Variants in AHCTF1 observed in about 807,000 individuals in gnomAD.
AHCTF1 encodes protein ELYS.
A neutral mutation model predicts 248.4 loss-of-function variants in AHCTF1; 24 were observed. The observed-to-expected ratio is 0.10, with a 90% CI of 0.07 to 0.14. The LOEUF is 0.14. AHCTF1 is among the 10% of genes least tolerant of loss of function. The pLI is 1.00. For synonymous variants in AHCTF1, 786 were observed against 929.8 expected, an observed-to-expected ratio of 0.85 and a Z score of 2.81; for missense variants, 2,206 against 2,636.2, an observed-to-expected ratio of 0.84 and a Z score of 3.57.
At chr1:246,909,059 T>TTCTATATCTATATATA (rs1665598305) in intron 4 of AHCTF1, among the ~76,000 whole-genome samples, 1 of 147,450 alleles carries the variant, frequency 6.8e-6, no homozygotes, top group Non-Finnish European at 1.5e-5. Flanking sequence ...AAACAGATAA[T>TTCTATATCTATATATA]TCTATATCTA....
intron 1 of AHCTF1, among the ~76,000 whole-genome samples, chr1:246,928,235 G>C (rs186693546): frequency 6.6e-6 from 1 of 150,694 alleles, no homozygotes; most frequent in East Asian, 2.0e-4. Flanking sequence ...CCCGGGAGGC[G>C]GACCTGGCAG....
chr1:246,849,633 C>A lies in AHCTF1; in HGVS notation c.6373G>T (p.Val2125Phe), dbSNP rs754014894. ...NEPLFSPASE[V>F]PRKAKAKKIE... ...AAAGTACCTTTTGCTTTCCTTGGAA[C>A]TTCTGACGCTGGAGAAAATAAAGGC... Residue 2125 changes from valine to phenylalanine, a missense_variant, in exon 33 of 36, where the codon GTT becomes TTT. Coordinates refer to ENST00000648844, the MANE Select transcript of AHCTF1 (RefSeq NM_001323342.2). 6.2e-7 allele frequency: 1 copy of A among 1,608,834 alleles called. No homozygotes were observed. The highest frequency in any genetic ancestry group is 2.2e-5 in the East Asian group (1 of 44,764).
intron 33 of AHCTF1, among the ~76,000 whole-genome samples, chr1:246,846,283 C>T (rs933187852): frequency 3.3e-5 from 5 of 151,692 alleles, no homozygotes; most frequent in African/African-American, 7.3e-5. Flanking sequence ...CTTCTCGGCA[C>T]CTGCATCCCT....
intron 21 of AHCTF1, among the ~76,000 whole-genome samples, chr1:246,884,920 A>T (rs1490329187): frequency 1.3e-5 from 2 of 152,148 alleles, no homozygotes; most frequent in African/African-American, 2.4e-5. Context: ...CTGAATACAA[A>T]TTCTCAATTT....
intron 1 of AHCTF1, among the ~76,000 whole-genome samples, chr1:246,918,782 C>A (rs1666323096): frequency 6.6e-6 from 1 of 152,240 alleles, no homozygotes. Context: ...TAAGGATATA[C>A]ATTATTCCCT....
chr1:246,844,024 A>G, intron 33 of AHCTF1, 96 bp from the exon 34 acceptor site: 1 of 901,712 alleles, frequency 1.1e-6, no homozygotes, highest in Admixed American at 4.0e-5. Flanking sequence ...TGTTTTAGAA[A>G]GATGCAAACG....
chr1:246,864,973 T>G (rs1023607548), intron 26 of AHCTF1, among the ~76,000 whole-genome samples: 2 of 151,616 alleles, frequency 1.3e-5, no homozygotes, highest in African/African-American at 4.8e-5. Context: ...AGTACAACTT[T>G]AAGATTCTAC....
chr1:246,852,945 C>A (rs1169710048), intron 32 of AHCTF1, 146 bp downstream of exon 32: 4 of 625,118 alleles, frequency 6.4e-6, no homozygotes, highest in Non-Finnish European at 1.1e-5. Context: ...GATTTATACA[C>A]TTATTTTTTG....
At chr1:246,872,409 A>AC (rs1662662719) in intron 24 of AHCTF1, among the ~76,000 whole-genome samples, 1 of 152,188 alleles carries the variant, frequency 6.6e-6, no homozygotes, top group Non-Finnish European at 1.5e-5. Flanking sequence ...TAAAAGGGAT[A>AC]CACCCTTGTC....
chr1:246,906,459 G>A (rs1665400262), intron 5 of AHCTF1, among the ~76,000 whole-genome samples: 1 of 152,180 alleles, frequency 6.6e-6, no homozygotes, highest in Admixed American at 6.5e-5. Context: ...GTGCACACAT[G>A]TAATCCCAGC....
chr1:246,863,890 TTTGA>T (rs1276237062), intron 27 of AHCTF1, 30 bp downstream of exon 27: 4 of 1,598,336 alleles, frequency 2.5e-6, no homozygotes, highest in East Asian at 2.2e-5. Context: ...AGCCATCTAG[TTTGA>T]TTGTGAACGC....
At chr1:246,894,564 C>T (rs543716351) in intron 14 of AHCTF1, 95 bp downstream of exon 14, 2 of 1,053,420 alleles carry the variant, frequency 1.9e-6, no homozygotes, top group Admixed American at 2.5e-5. Context: ...GAGTTTACAA[C>T]TTCAAAATGA....
intron 33 of AHCTF1, among the ~76,000 whole-genome samples, chr1:246,844,447 G>A (rs190806283): frequency 6.6e-5 from 10 of 152,358 alleles, no homozygotes; most frequent in Admixed American, 6.5e-4. Context: ...AGTGCCAGGT[G>A]CAGTGGCTCA....
chr1:246,922,380 G>A (rs1022966496), intron 1 of AHCTF1, among the ~76,000 whole-genome samples: 2 of 151,750 alleles, frequency 1.3e-5, no homozygotes, highest in Admixed American at 6.6e-5. Context: ...GAAAAGACAC[G>A]TGCAAGAAGG....
chr1:246,902,198 A>G (rs1665051335), intron 8 of AHCTF1, among the ~76,000 whole-genome samples: 1 of 152,232 alleles, frequency 6.6e-6, no homozygotes, highest in African/African-American at 2.4e-5. Flanking sequence ...AAGACAACCA[A>G]GGCATGTATG....
chr1:246,925,620 T>C (rs932152296), intron 1 of AHCTF1, among the ~76,000 whole-genome samples: 1 of 152,030 alleles, frequency 6.6e-6, no homozygotes, highest in African/African-American at 2.4e-5. Flanking sequence ...TCTAAAAATA[T>C]AAAAAATAAA....
At position 246,867,529 on chromosome 1, in the gene AHCTF1, C is replaced by T; in HGVS notation, c.3239+132G>A. On this transcript the variant is annotated intron_variant, in intron 25 of 35. Transcript: ENST00000648844. ...TAAAAATTCTTCTCAGAAACATAGC[C>T]AACATAAAGAGTTTTTCTTTTTTAC... 4.1e-6 allele frequency: 5 copies of T among 1,220,048 alleles called. No homozygotes were observed. In the South Asian group the frequency reaches 7.3e-5, roughly 18 times the overall value. The allele number at this position is 1,220,048 out of a possible 1,614,324, so 75.6% of individuals were successfully genotyped here.
chr1:246,907,119 A>G (rs571326097), intron 5 of AHCTF1, among the ~76,000 whole-genome samples: 2 of 152,340 alleles, frequency 1.3e-5, no homozygotes, highest in East Asian at 3.9e-4. Context: ...CTCTTAGTCT[A>G]CTAACCTGTA....
At position 246,892,301 on chromosome 1, in the gene AHCTF1, C is replaced by CTTTTT. The variant is rs74163502; in HGVS notation, c.1805-387_1805-383dup. On this transcript the variant is annotated intron_variant, in intron 14 of 35. Transcript: ENST00000648844. ...TTAAATCAAATTCTAATTTGTTTTA[C>CTTTTT]TTTTTTTTTTTTTTTTTTTTTTTTT... 1.0e-3 allele frequency among the ~76,000 whole-genome samples: 65 copies of CTTTTT among 64,968 alleles called. 5 individuals carry two copies. Among genetic ancestry groups the CTTTTT allele is most frequent in the Non-Finnish European group, 1.2e-3 (46 of 37,164 alleles). 42.6% of individuals were successfully genotyped at this position (64,968 alleles called of 152,430 possible). A position where few individuals can be genotyped will look rare whatever the true frequency, so the allele number is the denominator to read the frequency against.
Sources: allele counts gnomAD v4.1 joint callset (sites outside exome capture counted in the v4.1 genomes callset), GRCh38; gene constraint gnomAD v4.1.1; transcripts MANE v1.5; gene names NCBI Gene and HGNC (gene_info 2026-07-23, HGNC 2026-07-21).